PLSCR1: variants seen among roughly 807,000 people sequenced by gnomAD.
PLSCR1 encodes the protein PL scramblase 1.
PLSCR1 carries 17 observed loss-of-function variants against 37.8 expected under a neutral mutation model. That is an observed-to-expected ratio of 0.45 (90% CI 0.31 to 0.68). The LOEUF is 0.68. PLSCR1 is among the 30% of genes least tolerant of loss of function. The pLI, the probability that PLSCR1 is intolerant of heterozygous loss-of-function variation, is 0.06. For missense variants in PLSCR1, 347 were observed against 380.9 expected, an observed-to-expected ratio of 0.91 and a Z score of 0.74; for synonymous variants, 116 against 125.9, an observed-to-expected ratio of 0.92 and a Z score of 0.53.
rs1363511632 is a variant in PLSCR1 at position 146,517,176 on chromosome 3, A to G, written c.739-9T>C. ...TCATCAAGAGATTTAATCTAAATTG[A>G]AAAAAAAAAGTATTAAATACTTTTA... On this transcript the variant is annotated splice_polypyrimidine_tract_variant and intron_variant, in intron 7 of 8. Coordinates refer to ENST00000342435, the MANE Select transcript of PLSCR1 (RefSeq NM_021105.3). 8.0e-7 allele frequency: 1 copy of G among 1,243,056 alleles called. No individual in the cohort carries two copies. The highest frequency in any genetic ancestry group is 1.6e-5 in the African/African-American group (1 of 64,012). The allele number at this position is 1,243,056 out of a possible 1,614,324, so 77.0% of individuals were successfully genotyped here.
intron 3 of PLSCR1, among the ~76,000 whole-genome samples, chr3:146,531,084 C>T (rs1375706706): frequency 6.6e-6 from 1 of 152,022 alleles, no homozygotes; most frequent in Non-Finnish European, 1.5e-5. Context: ...TGCCAAAGGT[C>T]GCTATTGAGA....
chr3:146,537,874 T>C (rs371150469), intron 1 of PLSCR1: 1 of 138,570 alleles, frequency 7.2e-6, no homozygotes, highest in Non-Finnish European at 1.6e-5. Context: ...TGTTTTAAAA[T>C]AAAGGGTTTT....
At chr3:146,532,818 T>C (rs2044217201) in intron 3 of PLSCR1, among the ~76,000 whole-genome samples, 1 of 152,230 alleles carries the variant, frequency 6.6e-6, no homozygotes, top group South Asian at 2.1e-4. Flanking sequence ...TGAAAATCTC[T>C]GAATTCTTTC....
Position 146,521,892 on chromosome 3 carries a change from T to C in PLSCR1, c.517A>G (p.Ile173Val). 1.9e-6 allele frequency: 3 copies of C among 1,614,018 alleles called. No individual in the cohort carries two copies. Among genetic ancestry groups the C allele is most frequent in the South Asian group, 1.1e-5 (1 of 91,070 alleles). ...RIIDNMGQEVITLERPLRCSS... is the reference protein window; with the variant it reads ...RIIDNMGQEVVTLERPLRCSS... ...CATCTTAGTGGTCTCTCCAGAGTTA[T>C]GACTTCTTGACCCATATTATCAATA... The change falls in exon 6 of 9, where the codon ATA becomes GTA. Residue 173 changes from isoleucine to valine, a missense_variant. Ile to Val is a conservative substitution (Grantham distance 29). Coordinates refer to ENST00000342435, the MANE Select transcript of PLSCR1 (RefSeq NM_021105.3).
intron 7 of PLSCR1, among the ~76,000 whole-genome samples, chr3:146,518,717 T>A (rs2043978674): frequency 6.6e-6 from 1 of 152,158 alleles, no homozygotes; most frequent in African/African-American, 2.4e-5. Context: ...AAGTAGAGAA[T>A]ACATTTTTTA....
At position 146,515,975 on chromosome 3, in the gene PLSCR1, A is replaced by C; in HGVS notation, c.*70T>G. ...ACAGGCCTTACAGCTTAATTCATACAGGTATGAGTTTAGATAGTCTCAATC... is the reference window on the plus strand; with the variant it reads ...ACAGGCCTTACAGCTTAATTCATACCGGTATGAGTTTAGATAGTCTCAATC... On this transcript the variant is annotated 3_prime_UTR_variant, in exon 9 of 9. Coordinates refer to ENST00000342435, the MANE Select transcript of PLSCR1 (RefSeq NM_021105.3). 1.1e-6 allele frequency: 1 copy of C among 917,774 alleles called. No individual in the cohort carries two copies. Among genetic ancestry groups the C allele is most frequent in the Non-Finnish European group, 1.8e-6 (1 of 569,354 alleles). The allele number at this position is 917,774 out of a possible 1,614,324, so 56.9% of individuals were successfully genotyped here.
chr3:146,531,053 C>A (rs958394607), intron 3 of PLSCR1, among the ~76,000 whole-genome samples: 4 of 152,156 alleles, frequency 2.6e-5, no homozygotes, highest in African/African-American at 7.2e-5. Context: ...AAGTAAGAGA[C>A]CACGGTTTTA....
At chr3:146,528,995 C>A (rs777473597) in intron 3 of PLSCR1, among the ~76,000 whole-genome samples, 164 bp from the exon 4 acceptor site, 2 of 152,204 alleles carry the variant, frequency 1.3e-5, no homozygotes, top group Non-Finnish European at 2.9e-5. Context: ...AATGAAATAT[C>A]TGTGGTTGCA....
rs757127976 is a variant in PLSCR1 at position 146,528,774 on chromosome 3, G to C, written c.152C>G (p.Ala51Gly). The change falls in exon 4 of 9, where the codon GCC (alanine) becomes GGC (glycine). Residue 51 changes from alanine to glycine, a missense_variant. Transcript: ENST00000342435. The part of the protein sequence containing the change: ...GPQVSYPPPP[A>G]GHSGPGPAGF... ...AGCTGGGCCAGGACCTGAATGGCCGGCTGGTGGGGGTGGGTAGCTGACCTG... is the reference window on the plus strand; with the variant it reads ...AGCTGGGCCAGGACCTGAATGGCCGCCTGGTGGGGGTGGGTAGCTGACCTG... The C allele has an allele frequency of 1.7e-5, 28 of 1,614,050 alleles. No homozygotes were observed. Among genetic ancestry groups the C allele is most frequent in the Non-Finnish European group, 2.3e-5 (27 of 1,180,030 alleles).
chr3:146,530,695 A>G (rs1401373553), intron 3 of PLSCR1, among the ~76,000 whole-genome samples: 7 of 147,102 alleles, frequency 4.8e-5, no homozygotes, highest in Non-Finnish European at 1.1e-4. Context: ...GACAGGCGTA[A>G]AAGAGAGAGG....
intron 5 of PLSCR1, among the ~76,000 whole-genome samples, chr3:146,523,908 GGCTAAAATAATGAGTGATTAAAATAA>G: frequency 1.3e-5 from 2 of 152,140 alleles, no homozygotes; most frequent in African/African-American, 4.8e-5. Flanking sequence ...TCAGAAGCCT[GGCTAAAATAATGAGTGATTAAAATAA>G]ATATATGGAG....
chr3:146,521,909 T>A lies in PLSCR1; in HGVS notation c.500A>T (p.Asn167Ile). The change falls in exon 6 of 9, where the codon AAT becomes ATT. Residue 167 changes from asparagine to isoleucine, a missense_variant. Asn to Ile is a moderately radical substitution (Grantham distance 149). Coordinates refer to ENST00000342435, the MANE Select transcript of PLSCR1 (RefSeq NM_021105.3). Reference sequence around the variant, plus strand: ...CAGAGTTATGACTTCTTGACCCATATTATCAATAATCCTCAAGGTAAAAGG... The same window carrying A: ...CAGAGTTATGACTTCTTGACCCATAATATCAATAATCCTCAAGGTAAAAGG... ...SRPFTLRIID[N>I]MGQEVITLER... 1 of 1,613,778 alleles carries A rather than the reference T, an allele frequency of 6.2e-7. No individual in the cohort carries two copies. The highest frequency in any genetic ancestry group is 8.5e-7 in the Non-Finnish European group (1 of 1,179,724).
intron 5 of PLSCR1, among the ~76,000 whole-genome samples, chr3:146,522,785 G>C (rs993756850): frequency 3.9e-5 from 6 of 152,204 alleles, no homozygotes; most frequent in East Asian, 1.9e-4. Context: ...GCAATGGAAC[G>C]TCTAGGTGTA....
intron 5 of PLSCR1, 96 bp downstream of exon 5, chr3:146,525,509 A>G (rs1474482007): frequency 2.4e-5 from 17 of 712,182 alleles, no homozygotes; most frequent in Non-Finnish European, 3.8e-5. Flanking sequence ...ACTGTCCTAT[A>G]TAAGTGAGAG....
At chr3:146,542,792 T>G (rs965919624) in intron 1 of PLSCR1, among the ~76,000 whole-genome samples, 4 of 152,258 alleles carry the variant, frequency 2.6e-5, no homozygotes, top group Non-Finnish European at 4.4e-5. Context: ...TATATAAATA[T>G]TCACTAAATA....
intron 5 of PLSCR1, among the ~76,000 whole-genome samples, chr3:146,524,594 T>A (rs1560083144): frequency 2.6e-5 from 4 of 152,120 alleles, no homozygotes; most frequent in Non-Finnish European, 5.9e-5. Context: ...TAATGTTTGG[T>A]TATATGTCTG....
intron 1 of PLSCR1, among the ~76,000 whole-genome samples, chr3:146,537,420 A>T (rs1436960269): frequency 6.6e-6 from 1 of 152,066 alleles, no homozygotes; most frequent in East Asian, 1.9e-4. Flanking sequence ...ACACTAACAC[A>T]AACTGCCCAT....
intron 5 of PLSCR1, among the ~76,000 whole-genome samples, chr3:146,522,620 G>A (rs1272160797): frequency 2.0e-5 from 3 of 152,186 alleles, no homozygotes; most frequent in African/African-American, 7.2e-5. Context: ...CCATGTGATA[G>A]TCTGAAATAT....
At chr3:146,525,174 C>T (rs2587028) in intron 5 of PLSCR1, among the ~76,000 whole-genome samples, 16,961 of 152,218 alleles carry the variant, frequency 0.11, 1,109 homozygotes, top group Admixed American at 0.15. Context: ...TAGGGTTCAT[C>T]TTAACTCCCA....
Sources: allele counts gnomAD v4.1 joint callset (sites outside exome capture counted in the v4.1 genomes callset), GRCh38; gene constraint gnomAD v4.1.1; transcripts MANE v1.5; gene names NCBI Gene and HGNC (gene_info 2026-07-23, HGNC 2026-07-21).